OCA2: variants seen among roughly 807,000 people sequenced by gnomAD.
OCA2 encodes OCA2 melanosomal transmembrane protein, also known as P protein.
In OCA2, 77 loss-of-function variants were observed where a neutral mutation model predicts 100.2. The ratio of observed to expected loss-of-function variants is 0.77; its 90% CI spans 0.64 to 0.93. The LOEUF is 0.93. Ranked by LOEUF, OCA2 falls within the 40% of genes least tolerant of loss-of-function variation. The pLI is 0.00. For missense variants in OCA2, 1,062 were observed against 1,089.1 expected, an observed-to-expected ratio of 0.98 and a Z score of 0.35; for synonymous variants, 432 against 439.2, an observed-to-expected ratio of 0.98 and a Z score of 0.21.
chr15:27,823,514 T>C (rs1028834783), intron 23 of OCA2, among the ~76,000 whole-genome samples: 1 of 152,242 alleles, frequency 6.6e-6, no homozygotes. Flanking sequence ...TTTAATGCCA[T>C]GTTTACCTCA....
chr15:28,064,628 A>G, intron 2 of OCA2, among the ~76,000 whole-genome samples: 1 of 151,774 alleles, frequency 6.6e-6, no homozygotes, highest in East Asian at 1.9e-4. Flanking sequence ...CTTTTTTATA[A>G]TTTCTATCTC....
At chr15:27,909,013 GT>G (rs1443513401) in intron 19 of OCA2, among the ~76,000 whole-genome samples, 1 of 152,112 alleles carries the variant, frequency 6.6e-6, no homozygotes, top group Non-Finnish European at 1.5e-5. Context: ...GGCCTGCTGT[GT>G]TTACCCTTTA....
the OCA2 span, among the ~76,000 whole-genome samples, chr15:27,722,348 G>A: frequency 3.9e-5 from 6 of 152,212 alleles, no homozygotes; most frequent in East Asian, 1.2e-3. Flanking sequence ...CACGTGCCAA[G>A]GTTTTCATGA....
chr15:28,061,655 C>T (rs569182237), intron 2 of OCA2, among the ~76,000 whole-genome samples: 8 of 152,260 alleles, frequency 5.3e-5, no homozygotes, highest in East Asian at 1.9e-4. Flanking sequence ...GCACCATTTA[C>T]GAGGAACAGG....
the OCA2 span, among the ~76,000 whole-genome samples, chr15:27,728,460 A>G: frequency 6.6e-6 from 1 of 151,956 alleles, no homozygotes; most frequent in East Asian, 1.9e-4. Flanking sequence ...TGCCAGTAGA[A>G]TTTTGGGGGT....
chr15:27,826,765 C>T (rs62003764), intron 23 of OCA2, among the ~76,000 whole-genome samples: 76,205 of 151,494 alleles, frequency 0.5, 19,698 homozygotes, highest in South Asian at 0.76. Context: ...CCTAAGGCAT[C>T]GAGACTCCCC....
intron 23 of OCA2, among the ~76,000 whole-genome samples, chr15:27,766,936 T>C (rs919147282): frequency 6.6e-6 from 1 of 152,236 alleles, no homozygotes; most frequent in Admixed American, 6.5e-5. Flanking sequence ...CCACTGCTCC[T>C]GGACCGCCCT....
chr15:27,861,409 G>A (rs1311901136), intron 21 of OCA2, among the ~76,000 whole-genome samples: 1 of 152,178 alleles, frequency 6.6e-6, no homozygotes, highest in South Asian at 2.1e-4. Context: ...CCCAGGAGAG[G>A]TTGCTGTGGA....
chr15:28,088,865 A>G (rs900262682), intron 1 of OCA2, among the ~76,000 whole-genome samples: 1 of 152,216 alleles, frequency 6.6e-6, no homozygotes, highest in African/African-American at 2.4e-5. Flanking sequence ...TGACATCTTA[A>G]TCAGGAGACA....
chr15:28,044,976 T>C (rs1267163823), intron 2 of OCA2, among the ~76,000 whole-genome samples: 1 of 152,202 alleles, frequency 6.6e-6, no homozygotes, highest in African/African-American at 2.4e-5. Flanking sequence ...TCAATTTTTA[T>C]TTCTTTCCCA....
chr15:27,949,237 C>T (rs532503334), intron 18 of OCA2, among the ~76,000 whole-genome samples: 3 of 152,200 alleles, frequency 2.0e-5, no homozygotes, highest in African/African-American at 4.8e-5. Flanking sequence ...TATAATGTCA[C>T]GTAGTGTACA....
At chr15:28,003,586 G>A (rs2041994691) in intron 9 of OCA2, among the ~76,000 whole-genome samples, 1 of 147,642 alleles carries the variant, frequency 6.8e-6, no homozygotes, top group South Asian at 2.1e-4. Flanking sequence ...CTACACGCTG[G>A]CTGCGGGGAA....
intron 2 of OCA2, among the ~76,000 whole-genome samples, chr15:28,033,894 T>G (rs2042977355): frequency 6.6e-6 from 1 of 152,142 alleles, no homozygotes; most frequent in South Asian, 2.1e-4. Flanking sequence ...CCAGATGTTT[T>G]CTGATGCTCC....
chr15:27,720,388 T>C, the OCA2 span, among the ~76,000 whole-genome samples: 5 of 149,824 alleles, frequency 3.3e-5, no homozygotes, highest in East Asian at 7.8e-4. Flanking sequence ...AATATATATG[T>C]TTATATATTA....
At chr15:27,773,582 G>A (rs2032017921) in intron 23 of OCA2, among the ~76,000 whole-genome samples, 1 of 152,230 alleles carries the variant, frequency 6.6e-6, no homozygotes, top group Non-Finnish European at 1.5e-5. Context: ...TGGTTCATGA[G>A]TATTAGCTCA....
At chr15:27,921,082 C>G in intron 19 of OCA2, among the ~76,000 whole-genome samples, 1 of 151,798 alleles carries the variant, frequency 6.6e-6, no homozygotes, top group East Asian at 1.9e-4. Context: ...CAAAATTAAT[C>G]TAAAGATCTT....
In OCA2 at chr15:27,837,241, T is replaced by C. The variant is rs530689592; in HGVS notation, c.2432+7718A>G. The stretch of plus-strand genomic sequence containing the variant: ...TCCCTAGGAAGTGCCGCAAATAAGA[T>C]TCCTTGGGCATGGCAGAAAGAACGA... On this transcript the variant is annotated intron_variant, in intron 23 of 23. Transcript: ENST00000354638. 4.9e-4 allele frequency among the ~76,000 whole-genome samples: 75 copies of C among 152,282 alleles called. 1 individual carries two copies. The highest frequency in any genetic ancestry group is 1.8e-3 in the African/African-American group (73 of 41,552).
At chr15:27,723,583 G>T in the OCA2 span, among the ~76,000 whole-genome samples, 4 of 151,980 alleles carry the variant, frequency 2.6e-5, no homozygotes, top group African/African-American at 9.7e-5. Flanking sequence ...CCTGGGGGCA[G>T]GTCAGAGATG....
chr15:27,931,366 C>G (rs1280423795), intron 18 of OCA2, among the ~76,000 whole-genome samples: 1 of 151,566 alleles, frequency 6.6e-6, no homozygotes, highest in Non-Finnish European at 1.5e-5. Flanking sequence ...TGGAGTTTTG[C>G]TCTTGTCGCC....
Sources: allele counts gnomAD v4.1 joint callset (sites outside exome capture counted in the v4.1 genomes callset), GRCh38; gene constraint gnomAD v4.1.1; transcripts MANE v1.5; gene names NCBI Gene and HGNC (gene_info 2026-07-23, HGNC 2026-07-21).